PSMC5: variants seen among roughly 807,000 people sequenced by gnomAD.
The protein encoded by PSMC5 is 26S proteasome regulatory subunit 8.
Under a neutral mutation model 49.1 loss-of-function variants are expected in PSMC5, and 11 were observed. The observed-to-expected ratio is 0.22, with a 90% CI of 0.14 to 0.37. PSMC5 has a LOEUF of 0.37. PSMC5 is among the 10% of genes least tolerant of loss of function. The probability of loss-of-function intolerance (pLI) is 1.00; values close to 1 mark genes in which losing one functional copy is unlikely to be tolerated. For synonymous variants in PSMC5, 206 were observed against 192.2 expected (o/e 1.07, Z -0.59); for missense variants, 229 against 520.9 (o/e 0.44, Z 5.45).
In PSMC5 at chr17:63,831,033, CAG is replaced by C. The variant is rs780149042; in HGVS notation, c.680-2_680-1del. On this transcript the variant is annotated splice_acceptor_variant, in intron 7 of 11. Transcript: ENST00000310144. LOFTEE classifies it high-confidence loss of function. The surrounding 1 kb of genome is among the most constrained non-coding windows in gnomAD (Gnocchi z 6.3). ...CCCTAACACCAGCTCGGCCTCCACA[CAG>C]GGGCAAGAATGGTGAGGGAGCTGTT... The C allele has an allele frequency of 2.5e-6, 4 of 1,582,962 alleles. No individual in the cohort carries two copies. The highest frequency in any genetic ancestry group is 3.4e-6 in the Non-Finnish European group (4 of 1,162,522).
At chr17:63,827,917 G>T in intron 1 of PSMC5, 8 of 1,373,624 alleles carry the variant, frequency 5.8e-6, no homozygotes, top group Non-Finnish European at 7.7e-6. Context: ...CCTAAAAGTC[G>T]TATGAGGTAG....
intron 3 of PSMC5, 70 bp from the exon 4 acceptor site, chr17:63,829,782 G>A: frequency 1.4e-6 from 2 of 1,479,014 alleles, no homozygotes; most frequent in Non-Finnish European, 1.9e-6. Context: ...CTTAGCTCAT[G>A]CACGTAGAAT....
chr17:63,828,287 C>T (rs1331773661), intron 2 of PSMC5, 78 bp downstream of exon 2: 4 of 1,426,204 alleles, frequency 2.8e-6, no homozygotes, highest in Non-Finnish European at 2.9e-6. Flanking sequence ...CCATCTAATT[C>T]CTTTGGGAGT....
At position 63,829,876 on chromosome 17, in the gene PSMC5, AGCTGCTGCAGGAGCAGG is replaced by A. The variant is rs1325291089; in HGVS notation, c.195_211del (p.Gln67CysfsTer10). On this transcript the variant is annotated frameshift_variant, in exon 4 of 12. Transcript: ENST00000310144. LOFTEE classifies it high-confidence loss of function. ...GTTCGCCTATTGCGGGAGGAGCTAC[AGCTGCTGCAGGAGCAGG>A]GCTCCTATGTGGGGGAAGTAGTCCG... 6.2e-7 allele frequency: 1 copy of A among 1,614,168 alleles called. No individual in the cohort carries two copies. Among genetic ancestry groups the A allele is most frequent in the Non-Finnish European group, 8.5e-7 (1 of 1,180,018 alleles).
intron 3 of PSMC5, 90 bp downstream of exon 3, chr17:63,829,653 A>C: frequency 7.4e-7 from 1 of 1,349,836 alleles, no homozygotes. Flanking sequence ...AGCAGTGCTT[A>C]CTGTTTTCTC....
Position 63,828,191 on chromosome 17 carries a change from C to T in PSMC5, c.78C>T (p.Ser26=). 1 of 1,614,082 alleles carries T rather than the reference C, an allele frequency of 6.2e-7. No individual in the cohort carries two copies. Among genetic ancestry groups the T allele is most frequent in the Non-Finnish European group, 8.5e-7 (1 of 1,180,016 alleles). Residue 26 remains serine (S), a synonymous_variant, in exon 2 of 12, where the codon TCC becomes TCT. Transcript: ENST00000310144. ...AGSGLRQYYL[S]KIEELQLIVN... is the part of the protein sequence containing the mutation. ...GCGGACTCCGCCAATATTATCTGTC[C>T]AAGATTGAAGAACTCCAGGTGAGGA...
chr17:63,830,794 G>C lies in PSMC5; in HGVS notation c.553-15G>C. ...GGTGTAGCTTTCTGCCCTGAGTCCT[G>C]CTGTTCCCCTGTAGGGAGTGCTGCT... On this transcript the variant is annotated splice_polypyrimidine_tract_variant and intron_variant, in intron 6 of 11. Transcript: ENST00000310144. The surrounding 1 kb of genome is among the most constrained non-coding windows in gnomAD (Gnocchi z 4.0). 2 of 1,613,458 alleles carry C rather than the reference G, an allele frequency of 1.2e-6. No homozygotes were observed. Among genetic ancestry groups the C allele is most frequent in the Non-Finnish European group, 1.7e-6 (2 of 1,179,824 alleles).
In PSMC5 at chr17:63,827,583, A is replaced by C. The variant is rs1286994440; in HGVS notation, c.24+69A>C. On this transcript the variant is annotated intron_variant, in intron 1 of 11. Coordinates refer to ENST00000310144, the MANE Select transcript of PSMC5 (RefSeq NM_002805.6). ...TGCGGAGCGAGCGTGATCTGAGTGGAGAGCGGGCCGGGGCAGGAGCGTCGG... is the reference window on the plus strand; with the variant it reads ...TGCGGAGCGAGCGTGATCTGAGTGGCGAGCGGGCCGGGGCAGGAGCGTCGG... 3 of 1,550,442 alleles carry C rather than the reference A, an allele frequency of 1.9e-6. No homozygotes were observed. The East Asian group carries it at 7.3e-5, about 38-fold the overall frequency.
chr17:63,830,177 T>C lies in PSMC5; in HGVS notation c.309T>C (p.Ile103=). 6.2e-7 allele frequency: 1 copy of C among 1,614,168 alleles called. No homozygotes were observed. The highest frequency in any genetic ancestry group is 8.5e-7 in the Non-Finnish European group (1 of 1,180,024). ...TTGTTGTAGACGTGGACAAAAACAT[T>C]GACATCAATGATGTGAGTGTAGCAG... ...GKFVVDVDKN[I]DINDVTPNCR... The change falls in exon 5 of 12, where the codon ATT becomes ATC. Residue 103 remains isoleucine, a synonymous_variant. Transcript: ENST00000310144. The surrounding 1 kb of genome is among the most constrained non-coding windows in gnomAD (Gnocchi z 4.0).
At position 63,830,625 on chromosome 17, in the gene PSMC5, C is replaced by A; in HGVS notation, c.552+124C>A. ...CATCTTGCTTGGGCTGGCCCTCCCC[C>A]TGAAAAGAGTGGCTGGGGAAGTGTT... On this transcript the variant is annotated intron_variant, in intron 6 of 11. Transcript: ENST00000310144. This position sits in a 1 kb window ranked among gnomAD's most constrained non-coding sequence, Gnocchi z 4.0. The A allele has an allele frequency of 1.3e-6, 2 of 1,491,562 alleles. No homozygotes were observed. Among genetic ancestry groups the A allele is most frequent in the East Asian group, 2.5e-5 (1 of 40,658 alleles). 92.4% of individuals were successfully genotyped at this position (1,491,562 alleles called of 1,614,324 possible).
chr17:63,828,054 C>G, intron 1 of PSMC5, 84 bp from the exon 2 acceptor site: 20 of 1,513,182 alleles, frequency 1.3e-5, no homozygotes, highest in South Asian at 3.5e-5. Context: ...TACCTGGTGT[C>G]AAGCCTTATT....
chr17:63,827,796 C>G (rs2040128846), intron 1 of PSMC5: 1 of 1,430,206 alleles, frequency 7.0e-7, no homozygotes, highest in African/African-American at 1.4e-5. Flanking sequence ...GGACGCCAGT[C>G]CTTTGGCTCC....
rs955238599 is a variant in PSMC5 at position 63,827,638 on chromosome 17, G to A, written c.24+124G>A. On this transcript the variant is annotated intron_variant, in intron 1 of 11. Transcript: ENST00000310144. ...GTCGGAGGTGCCTGGACCAGTCCAT[G>A]CTGGACGCTGCCTGCGACCGGATCT... The A allele has an allele frequency of 2.2e-5, 34 of 1,521,082 alleles. 2 individuals are homozygous for A. The Admixed American group carries it at 6.2e-4, about 28-fold the overall frequency. 94.2% of individuals were successfully genotyped at this position (1,521,082 alleles called of 1,614,324 possible).
rs772974564 is a variant in PSMC5 at position 63,831,468 on chromosome 17, TG to T, written c.970-34del. On this transcript the variant is annotated intron_variant, in intron 9 of 11. Transcript: ENST00000310144. The surrounding 1 kb of genome is among the most constrained non-coding windows in gnomAD (Gnocchi z 6.3). ...TGCAAAGTGGCTCTGGCTGTGGGGGTGGGGTGTGGGGCTCAGGCTTTTCCTT... is the reference window on the plus strand; with the variant it reads ...TGCAAAGTGGCTCTGGCTGTGGGGGTGGGTGTGGGGCTCAGGCTTTTCCTT... The T allele has an allele frequency of 1.9e-6, 3 of 1,610,562 alleles. No individual in the cohort carries two copies. The highest frequency in any genetic ancestry group is 1.7e-6 in the Non-Finnish European group (2 of 1,177,772).
chr17:63,831,132 TG>T lies in PSMC5; in HGVS notation c.778del (p.Glu260ArgfsTer70). On this transcript the variant is annotated frameshift_variant, in exon 8 of 12. Coordinates refer to ENST00000310144, the MANE Select transcript of PSMC5 (RefSeq NM_002805.6). LOFTEE classifies it high-confidence loss of function. The surrounding 1 kb of genome is among the most constrained non-coding windows in gnomAD (Gnocchi z 6.3). ...ATCGACTCCATCGGCTCCTCGCGGCTGGAGGGGGGTTCTGGAGGGGACAGTG... is the reference window on the plus strand; with the variant it reads ...ATCGACTCCATCGGCTCCTCGCGGCTGAGGGGGGTTCTGGAGGGGACAGTG... ...DEIDSIGSSR[L>X]EGGSGGDSEV... is the part of the protein sequence containing the mutation. The T allele has an allele frequency of 6.4e-7, 1 of 1,567,456 alleles. No individual in the cohort carries two copies. The highest frequency in any genetic ancestry group is 1.8e-5 in the Admixed American group (1 of 54,868).
Position 63,827,954 on chromosome 17 carries a change from T to A in PSMC5, c.25-184T>A. ...CGGCGTTCCCATTCTTTTATTTTAG[T>A]CCTGGGAAAATGGAGGGTTCCAAGG... is the stretch of plus-strand genomic sequence containing the variant. On this transcript the variant is annotated intron_variant, in intron 1 of 11. Coordinates refer to ENST00000310144, the MANE Select transcript of PSMC5 (RefSeq NM_002805.6). 3.1e-6 allele frequency: 4 copies of A among 1,307,580 alleles called. 1 individual carries two copies. In the South Asian group the frequency reaches 6.1e-5, roughly 20 times the overall value. The allele number at this position is 1,307,580 out of a possible 1,614,324, so 81.0% of individuals were successfully genotyped here.
intron 3 of PSMC5, 38 bp from the exon 4 acceptor site, chr17:63,829,814 G>A: frequency 6.2e-7 from 1 of 1,602,326 alleles, no homozygotes; most frequent in Non-Finnish European, 8.6e-7. Flanking sequence ...GACTCCAAAG[G>A]AGTAGCTAGG....
chr17:63,831,871 T>C lies in PSMC5; in HGVS notation c.1168-45T>C. On this transcript the variant is annotated intron_variant, in intron 11 of 11. Coordinates refer to ENST00000310144, the MANE Select transcript of PSMC5 (RefSeq NM_002805.6). This position sits in a 1 kb window ranked among gnomAD's most constrained non-coding sequence, Gnocchi z 6.3. ...GGCTCTGGGGCAGTGGGCTAGGGCA[T>C]GTGTGTGTTCGTAACTTAATGTTCA... The C allele has an allele frequency of 1.9e-6, 3 of 1,612,558 alleles. No homozygotes were observed. Among genetic ancestry groups the C allele is most frequent in the African/African-American group, 1.3e-5 (1 of 74,980 alleles).
At chr17:63,827,654 G>A in intron 1 of PSMC5, 140 bp downstream of exon 1, 1 of 1,505,628 alleles carries the variant, frequency 6.6e-7, no homozygotes, top group East Asian at 2.5e-5. Flanking sequence ...CGCTGCCTGC[G>A]ACCGGATCTG....
Sources: allele counts gnomAD v4.1 joint callset, GRCh38; gene constraint gnomAD v4.1.1; non-coding constraint Gnocchi (gnomAD v3.1); transcripts MANE v1.5; gene names NCBI Gene and HGNC (gene_info 2026-07-23, HGNC 2026-07-21).